The following SOX6 variants were observed in gnomAD, a reference collection of about 807,000 sequenced individuals.
SOX6 encodes the protein SRY-box transcription factor 6.
SOX6 carries 11 observed loss-of-function variants against 97.8 expected under a neutral mutation model. The ratio of observed to expected loss-of-function variants is 0.11; its 90% CI spans 0.07 to 0.19. The LOEUF (loss-of-function observed/expected upper bound fraction) is 0.19. SOX6 is among the 10% of genes least tolerant of loss of function. The pLI is 1.00. For missense variants in SOX6, 810 were observed against 1,039.5 expected (o/e 0.78, Z 3.04); for synonymous variants, 360 against 371.4 (o/e 0.97, Z 0.35).
chr11:16,506,071 G>C (rs538373889), intron 4 of SOX6, among the ~76,000 whole-genome samples: 26 of 152,348 alleles, frequency 1.7e-4, no homozygotes, highest in Admixed American at 6.5e-4. Context: ...GCCTAGTAGA[G>C]ATGTGAGAAG....
chr11:16,001,528 G>C (rs556868632), intron 13 of SOX6, among the ~76,000 whole-genome samples: 1 of 152,066 alleles, frequency 6.6e-6, no homozygotes, highest in Non-Finnish European at 1.5e-5. Flanking sequence ...CTTCACCAAA[G>C]CTACCCCAAT....
rs1853161226 is a variant in SOX6, at chr11:15,967,113, T to A, written c.*5696A>T. The A allele has an allele frequency of 6.6e-6, 1 of 152,112 alleles. No individual in the cohort carries two copies. The highest frequency in any genetic ancestry group is 1.5e-5 in the Non-Finnish European group (1 of 68,036). The allele number at this position is 152,112 out of a possible 1,614,324, so 9.4% of individuals were successfully genotyped here. ...ATTCAAAGCAGCAATAGACACTAGT[T>A]TTTATGTTTTTTTCTTTTTTTCTAA... On this transcript the variant is annotated 3_prime_UTR_variant, in exon 16 of 16. Transcript: ENST00000683767.
intron 13 of SOX6, among the ~76,000 whole-genome samples, chr11:16,005,296 T>C (rs7942880): frequency 0.57 from 86,872 of 151,660 alleles, 25,404 homozygotes; most frequent in Admixed American, 0.67. Flanking sequence ...GACGAAAATA[T>C]AATGACTAGG....
chr11:16,508,694 G>A (rs11023971), intron 4 of SOX6, among the ~76,000 whole-genome samples: 25,381 of 151,964 alleles, frequency 0.17, 2,610 homozygotes, highest in Admixed American at 0.3. Context: ...GTGGGTAGGA[G>A]GGTGGGAGAT....
At chr11:16,695,889 C>G (rs1848050185) in intron 3 of SOX6, among the ~76,000 whole-genome samples, 1 of 151,950 alleles carries the variant, frequency 6.6e-6, no homozygotes, top group African/African-American at 2.4e-5. Flanking sequence ...TGCCTATAAT[C>G]CCAGCTACTT....
chr11:16,318,383 T>TG, intron 3 of SOX6, 63 bp downstream of exon 3: 1 of 1,572,656 alleles, frequency 6.4e-7, no homozygotes, highest in Non-Finnish European at 8.7e-7. Context: ...TTTTTTTTTT[T>TG]TTTTAAGGCC....
intron 3 of SOX6, among the ~76,000 whole-genome samples, chr11:16,660,314 CA>C (rs1321415515): frequency 1.3e-5 from 2 of 152,088 alleles, no homozygotes; most frequent in African/African-American, 4.8e-5. Flanking sequence ...TAATTTACCT[CA>C]AAATATTTTT....
At chr11:16,464,045 A>T (rs1859983050) in intron 1 of SOX6, among the ~76,000 whole-genome samples, 1 of 152,190 alleles carries the variant, frequency 6.6e-6, no homozygotes, top group Admixed American at 6.5e-5. Context: ...GTTATACAGG[A>T]TATCTCACTG....
intron 4 of SOX6, among the ~76,000 whole-genome samples, chr11:16,231,323 A>T (rs1032934019): frequency 9.2e-5 from 14 of 151,764 alleles, no homozygotes; most frequent in Non-Finnish European, 1.5e-4. Flanking sequence ...AAAAATGGGC[A>T]ACCAACATAC....
chr11:16,254,665 G>C (rs890820891), intron 3 of SOX6, among the ~76,000 whole-genome samples: 6 of 151,820 alleles, frequency 4.0e-5, no homozygotes, highest in Admixed American at 1.3e-4. Context: ...TAATATAAAT[G>C]CTCGATTAAA....
intron 4 of SOX6, among the ~76,000 whole-genome samples, chr11:16,189,417 A>ATGTG (rs774040758): frequency 5.8e-4 from 23 of 39,418 alleles, no homozygotes; most frequent in African/African-American, 1.5e-3. Flanking sequence ...GTGTGTGTGC[A>ATGTG]TGTGTGTGTG....
At chr11:16,172,478 G>A (rs557831521) in intron 6 of SOX6, among the ~76,000 whole-genome samples, 178 of 152,136 alleles carry the variant, frequency 1.2e-3, no homozygotes, top group Admixed American at 2.2e-3. Flanking sequence ...CATGGGGCAA[G>A]CATTACAAGC....
chr11:16,018,854 G>A (rs998393384), intron 12 of SOX6, among the ~76,000 whole-genome samples: 1 of 152,062 alleles, frequency 6.6e-6, no homozygotes, highest in Non-Finnish European at 1.5e-5. Flanking sequence ...AACAGAGGCA[G>A]TAAAGACCAT....
chr11:16,114,104 G>A (rs548850672), intron 6 of SOX6, among the ~76,000 whole-genome samples: 2 of 152,120 alleles, frequency 1.3e-5, no homozygotes, highest in Admixed American at 6.6e-5. Context: ...AAGCAAATAC[G>A]TAATGAAAAA....
At chr11:16,083,479 C>T (rs994179069) in intron 9 of SOX6, among the ~76,000 whole-genome samples, 1 of 152,216 alleles carries the variant, frequency 6.6e-6, no homozygotes, top group Non-Finnish European at 1.5e-5. Context: ...GGTATATTCG[C>T]TTGTGAAAAA....
In SOX6 at chr11:16,673,683, A is replaced by G. The variant is rs541501638; in HGVS notation, n.429+41147T>C. Among the ~76,000 whole-genome samples the G allele has an allele frequency of 6.2e-4, 95 of 152,308 alleles. 1 individual carries two copies. Among genetic ancestry groups the G allele is most frequent in the Non-Finnish European group, 8.8e-5 (6 of 68,022 alleles). ...TTTACCAAACATTTAAAGAACTAAT[A>G]TCAATCCTACTCAAACTATTCTAAA... On this transcript the variant is annotated intron_variant and non_coding_transcript_variant, in intron 3 of 5. Transcript: ENST00000524520.
At chr11:16,390,003 T>C (rs1246278351) in intron 1 of SOX6, among the ~76,000 whole-genome samples, 6 of 96,728 alleles carry the variant, frequency 6.2e-5, no homozygotes, top group Non-Finnish European at 1.3e-4. Flanking sequence ...AAAAGAAGCT[T>C]ACTTGCTGAG....
intron 2 of SOX6, among the ~76,000 whole-genome samples, chr11:16,330,083 A>G (rs1329744222): frequency 3.3e-5 from 5 of 152,122 alleles, no homozygotes; most frequent in African/African-American, 4.8e-5. Context: ...CTCTTTATAT[A>G]TCTCTTAAAG....
chr11:16,292,109 TC>T (rs1255727513), intron 3 of SOX6, among the ~76,000 whole-genome samples: 1 of 152,084 alleles, frequency 6.6e-6, no homozygotes, highest in Non-Finnish European at 1.5e-5. Context: ...AATAGCCCAT[TC>T]AAACAAGATT....
Sources: allele counts gnomAD v4.1 joint callset (sites outside exome capture counted in the v4.1 genomes callset), GRCh38; gene constraint gnomAD v4.1.1; transcripts MANE v1.5; gene names NCBI Gene and HGNC (gene_info 2026-07-23, HGNC 2026-07-21).